Variants in ESYT2 observed in about 807,000 individuals in gnomAD.
ESYT2 encodes extended synaptotagmin 2.
Under a neutral mutation model 107.2 loss-of-function variants are expected in ESYT2, and 54 were observed. That is an observed-to-expected ratio of 0.50 (90% CI 0.40 to 0.63). The LOEUF (loss-of-function observed/expected upper bound fraction) is 0.63. ESYT2 is among the 30% of genes least tolerant of loss of function. The pLI, the probability that ESYT2 is intolerant of heterozygous loss-of-function variation, is 0.00. For missense variants in ESYT2, 1,020 were observed against 1,094.5 expected (o/e 0.93, Z 0.96); for synonymous variants, 491 against 434.1 (o/e 1.13, Z -1.63).
At chr7:158,760,294 T>C in intron 11 of ESYT2, 147 bp from the exon 12 acceptor site, 2 of 694,572 alleles carry the variant, frequency 2.9e-6, no homozygotes, top group Non-Finnish European at 5.0e-6. Flanking sequence ...CCTCACCATA[T>C]CCAGCTCTAC....
At position 158,799,030 on chromosome 7, in the gene ESYT2, C is replaced by T. The variant is rs1234427757; in HGVS notation, c.372+1G>A. 1.9e-6 allele frequency: 3 copies of T among 1,613,216 alleles called. No homozygotes were observed. ...TGGTAGTTGGTATACTCTAATCTTA[C>T]CTTATTTAGCCATTCTGCTCTTTCA... On this transcript the variant is annotated splice_donor_variant, in intron 2 of 22. Coordinates refer to ENST00000275418, the MANE Select transcript of ESYT2 (RefSeq NM_001367773.1). LOFTEE classifies it high-confidence loss of function.
intron 3 of ESYT2, among the ~76,000 whole-genome samples, chr7:158,795,205 A>G (rs867124218): frequency 1.1e-4 from 17 of 152,298 alleles, no homozygotes; most frequent in Middle Eastern, 6.8e-3. Flanking sequence ...ATGCCATTCT[A>G]TCCATCCCTT....
intron 15 of ESYT2, 100 bp from the exon 16 acceptor site, chr7:158,748,380 TAAATA>T: frequency 1.0e-6 from 1 of 979,932 alleles, no homozygotes; most frequent in Non-Finnish European, 1.5e-6. Context: ...AAAAAGAAAA[TAAATA>T]AAACAAAAAA....
At chr7:158,827,372 T>G (rs532861161) in intron 1 of ESYT2, among the ~76,000 whole-genome samples, 1 of 152,152 alleles carries the variant, frequency 6.6e-6, no homozygotes, top group African/African-American at 2.4e-5. Flanking sequence ...TTTAGTATTA[T>G]GCATCTTAGT....
chr7:158,800,049 T>C (rs1251826678), intron 1 of ESYT2, among the ~76,000 whole-genome samples: 1 of 119,024 alleles, frequency 8.4e-6, no homozygotes, highest in African/African-American at 2.9e-5. Context: ...CTATGTGGCC[T>C]CTTAATTTTT....
At chr7:158,751,141 C>G (rs79344407) in intron 14 of ESYT2, among the ~76,000 whole-genome samples, 1 of 152,062 alleles carries the variant, frequency 6.6e-6, no homozygotes, top group Non-Finnish European at 1.5e-5. Context: ...ATAATATATA[C>G]CTTTTTGGGG....
chr7:158,795,981 T>A (rs909557275), intron 3 of ESYT2, among the ~76,000 whole-genome samples: 1 of 152,174 alleles, frequency 6.6e-6, no homozygotes, highest in Non-Finnish European at 1.5e-5. Flanking sequence ...ACACAGAAAG[T>A]CAGCTCTGAT....
At chr7:158,801,826 C>A (rs541021107) in intron 1 of ESYT2, among the ~76,000 whole-genome samples, 1,759 of 28,264 alleles carry the variant, frequency 0.062, 18 homozygotes, top group South Asian at 0.1. Context: ...ATTTTAGATT[C>A]TAATACGCTG....
At chr7:158,792,372 A>G (rs4909275) in intron 4 of ESYT2, among the ~76,000 whole-genome samples, 3 of 140,932 alleles carry the variant, frequency 2.1e-5, no homozygotes, top group Admixed American at 2.1e-4. Context: ...AAAAAAAAAT[A>G]AAAAAATTAG....
At chr7:158,737,336 A>T (rs1010028854) in intron 19 of ESYT2, among the ~76,000 whole-genome samples, 157 bp from the exon 20 acceptor site, 4 of 152,102 alleles carry the variant, frequency 2.6e-5, no homozygotes, top group Non-Finnish European at 5.9e-5. Flanking sequence ...GCCTCCCCCG[A>T]CGGCTGCCTG....
At chr7:158,770,843 T>C (rs886933524) in intron 7 of ESYT2, among the ~76,000 whole-genome samples, 2 of 152,042 alleles carry the variant, frequency 1.3e-5, no homozygotes, top group Admixed American at 1.3e-4. Context: ...ATTACATATA[T>C]AAAATCTACA....
intron 1 of ESYT2, 100 bp from the exon 2 acceptor site, chr7:158,799,172 A>C: frequency 9.5e-7 from 1 of 1,047,754 alleles, no homozygotes. Context: ...TCCTATGTTT[A>C]CAAGATGCTT....
At chr7:158,741,077 A>C (rs1369666753) in intron 18 of ESYT2, among the ~76,000 whole-genome samples, 1 of 152,222 alleles carries the variant, frequency 6.6e-6, no homozygotes, top group Non-Finnish European at 1.5e-5. Flanking sequence ...ATCCGAAGAC[A>C]AACAAAAGAG....
chr7:158,749,504 A>C (rs1837516271), intron 15 of ESYT2, 145 bp downstream of exon 15: 1 of 691,974 alleles, frequency 1.4e-6, no homozygotes, highest in African/African-American at 1.8e-5. Context: ...ATCTAAGAAA[A>C]AATAGATCTG....
At chr7:158,760,183 C>T in intron 11 of ESYT2, 36 bp from the exon 12 acceptor site, 1 of 1,586,646 alleles carries the variant, frequency 6.3e-7, no homozygotes, top group Non-Finnish European at 8.7e-7. Flanking sequence ...AGCAAAAGTT[C>T]TTCTGAATCA....
At chr7:158,740,474 C>T (rs887086645) in intron 18 of ESYT2, among the ~76,000 whole-genome samples, 4 of 152,140 alleles carry the variant, frequency 2.6e-5, no homozygotes, top group East Asian at 1.9e-4. Flanking sequence ...CTGTCCTACC[C>T]GAATTTGCAT....
chr7:158,769,561 T>C (rs1015954030), intron 7 of ESYT2, among the ~76,000 whole-genome samples: 3 of 152,262 alleles, frequency 2.0e-5, no homozygotes, highest in African/African-American at 7.2e-5. Flanking sequence ...TCCCTGTGTG[T>C]CCTTCGGAAC....
In ESYT2 at chr7:158,743,583, G is replaced by A; in HGVS notation, c.1740C>T (p.Phe580=). The change falls in exon 17 of 23, where the codon TTC becomes TTT. Residue 580 remains phenylalanine, a synonymous_variant. Coordinates refer to ENST00000275418, the MANE Select transcript of ESYT2 (RefSeq NM_001367773.1). The part of the protein sequence containing the change: ...TSEDMTVSQR[F]QLSNSGPNST... ...TGTTTGGACCCGAGTTACTGAGCTG[G>A]AAGCGCTGGCTCACAGTCATGTCCT... 1 of 1,613,216 alleles carries A rather than the reference G, an allele frequency of 6.2e-7. No individual in the cohort carries two copies. The highest frequency in any genetic ancestry group is 8.5e-7 in the Non-Finnish European group (1 of 1,179,770).
intron 6 of ESYT2, among the ~76,000 whole-genome samples, chr7:158,778,961 C>T (rs576101750): frequency 6.6e-6 from 1 of 152,072 alleles, no homozygotes; most frequent in Admixed American, 6.5e-5. Context: ...AAACCCCTAG[C>T]CTGCTGTTAC....
Sources: gnomAD v4.1 joint callset for allele counts (sites outside exome capture counted in the v4.1 genomes callset) on GRCh38, gnomAD v4.1.1 for gene constraint, MANE v1.5 for transcripts, NCBI Gene and HGNC (gene_info 2026-07-23, HGNC 2026-07-21) for gene names.